The following MMP26 variants were observed in gnomAD, a reference collection of about 807,000 sequenced individuals.
MMP26 encodes matrix metallopeptidase 26.
MMP26 carries 33 observed loss-of-function variants against 31.0 expected under a neutral mutation model. The observed-to-expected ratio is 1.06, with a 90% CI of 0.81 to 1.42. The LOEUF is 1.42. Ranked by LOEUF, MMP26 falls within the 40% of genes most tolerant of loss-of-function variation. The probability of loss-of-function intolerance (pLI) is 0.00; values close to 1 mark genes in which losing one functional copy is unlikely to be tolerated. For synonymous variants in MMP26, 122 were observed against 114.9 expected (o/e 1.06, Z -0.40); for missense variants, 347 against 316.1 (o/e 1.10, Z -0.74).
chr11:4,789,633 T>A (rs1337507767), intron 2 of MMP26, among the ~76,000 whole-genome samples: 2 of 136,536 alleles, frequency 1.5e-5, no homozygotes, highest in Non-Finnish European at 3.1e-5. Flanking sequence ...CTCTGCCTCC[T>A]GGGTTCAAGT....
chr11:4,946,299 G>A (rs755864460), intron 2 of MMP26: 1 of 1,613,734 alleles, frequency 6.2e-7, no homozygotes, highest in Non-Finnish European at 8.5e-7. Flanking sequence ...GGAGAGACAT[G>A]CCGGGCAAAG....
intron 2 of MMP26, among the ~76,000 whole-genome samples, chr11:4,872,576 A>G (rs1174759093): frequency 1.3e-5 from 2 of 151,884 alleles, no homozygotes; most frequent in Admixed American, 6.6e-5. Context: ...TAGTGAGACT[A>G]GTCTGTGGAT....
intron 2 of MMP26, among the ~76,000 whole-genome samples, chr11:4,941,273 C>T (rs1846202246): frequency 6.6e-6 from 1 of 152,174 alleles, no homozygotes; most frequent in Non-Finnish European, 1.5e-5. Context: ...GGGCCAGCAA[C>T]CACATATAGC....
At chr11:4,876,942 C>T (rs180889579) in intron 2 of MMP26, 172 of 155,868 alleles carry the variant, frequency 1.1e-3, no homozygotes, top group African/African-American at 3.2e-3. Context: ...TGTGGCCATC[C>T]GCTTTCCTTT....
intron 1 of MMP26, among the ~76,000 whole-genome samples, chr11:4,753,768 T>G (rs781507640): frequency 1.9e-4 from 29 of 152,144 alleles, no homozygotes; most frequent in Non-Finnish European, 3.2e-4. Context: ...GTAAAGCCCA[T>G]TCATCTTGCC....
intron 2 of MMP26, among the ~76,000 whole-genome samples, chr11:4,783,971 A>T (rs1190317760): frequency 6.6e-6 from 1 of 152,192 alleles, no homozygotes; most frequent in African/African-American, 2.4e-5. Context: ...AGTCTCAGGT[A>T]TGTCTTTATC....
intron 2 of MMP26, among the ~76,000 whole-genome samples, chr11:4,767,693 A>G (rs1848650135): frequency 7.6e-6 from 1 of 132,122 alleles, no homozygotes; most frequent in Non-Finnish European, 1.6e-5. Flanking sequence ...GACATCATAT[A>G]ATGCATAGTT....
At chr11:4,731,409 A>G (rs1848171610) in intron 1 of MMP26, among the ~76,000 whole-genome samples, 1 of 152,164 alleles carries the variant, frequency 6.6e-6, no homozygotes, top group South Asian at 2.1e-4. Flanking sequence ...CATTAAATGT[A>G]TAGCTCATTT....
chr11:4,856,347 C>A (rs1050467470), intron 2 of MMP26, among the ~76,000 whole-genome samples: 4 of 152,100 alleles, frequency 2.6e-5, no homozygotes, highest in African/African-American at 9.7e-5. Flanking sequence ...CAGAGACACA[C>A]ATAGGCTGAA....
intron 1 of MMP26, among the ~76,000 whole-genome samples, chr11:4,741,211 G>C (rs1165000174): frequency 1.3e-5 from 2 of 152,186 alleles, no homozygotes; most frequent in East Asian, 1.9e-4. Context: ...TTTTGTGAAA[G>C]AGCAAATAGA....
chr11:4,751,130 G>A (rs570037539), intron 1 of MMP26, among the ~76,000 whole-genome samples: 1 of 152,196 alleles, frequency 6.6e-6, no homozygotes, highest in Admixed American at 6.5e-5. Context: ...AATCAAGGGA[G>A]TTATCACTGG....
intron 2 of MMP26, among the ~76,000 whole-genome samples, chr11:4,791,353 A>AT (rs934448144): frequency 4.6e-5 from 7 of 151,996 alleles, no homozygotes; most frequent in African/African-American, 1.4e-4. Flanking sequence ...TCGGAGACCA[A>AT]TTTTTTTTCC....
chr11:4,834,318 A>T (rs879552788), intron 2 of MMP26, among the ~76,000 whole-genome samples: 1 of 152,152 alleles, frequency 6.6e-6, no homozygotes, highest in Non-Finnish European at 1.5e-5. Context: ...GTAGACACCC[A>T]AATAACTTTA....
intron 2 of MMP26, among the ~76,000 whole-genome samples, chr11:4,837,595 A>T (rs2133485734): frequency 6.6e-6 from 1 of 152,320 alleles, no homozygotes; most frequent in East Asian, 1.9e-4. Flanking sequence ...AATAATCAAT[A>T]ATATGTGAAA....
At chr11:4,768,644 A>G (rs1848662553) in intron 2 of MMP26, among the ~76,000 whole-genome samples, 1 of 152,184 alleles carries the variant, frequency 6.6e-6, no homozygotes, top group South Asian at 2.1e-4. Context: ...TAATAGTAAT[A>G]TATATTTCAT....
chr11:4,824,651 C>G (rs938662102), intron 2 of MMP26, among the ~76,000 whole-genome samples: 9 of 152,058 alleles, frequency 5.9e-5, no homozygotes, highest in Non-Finnish European at 1.0e-4. Flanking sequence ...TAGGATAAAT[C>G]AATTCTAACA....
At chr11:4,709,992 C>A (rs778082350) in intron 1 of MMP26, 1 of 456,806 alleles carries the variant, frequency 2.2e-6, no homozygotes, top group Non-Finnish European at 4.4e-6. Context: ...AACCAATTCA[C>A]GGATTATTAA....
chr11:4,744,166 T>A (rs11033672), intron 1 of MMP26, among the ~76,000 whole-genome samples: 9,400 of 152,206 alleles, frequency 0.062, 678 homozygotes, highest in African/African-American at 0.18. Context: ...TATTTTATCT[T>A]AGAAATCTCA....
At chr11:4,991,285 C>T (rs1309386053) in intron 5 of MMP26, 86 bp from the exon 6 acceptor site, 6 of 1,483,032 alleles carry the variant, frequency 4.0e-6, no homozygotes, top group Non-Finnish European at 5.5e-6. Context: ...GCACAGTATC[C>T]TAAGTCTCTG....
Sources: allele counts gnomAD v4.1 joint callset (sites outside exome capture counted in the v4.1 genomes callset), GRCh38; gene constraint gnomAD v4.1.1; transcripts MANE v1.5; gene names NCBI Gene and HGNC (gene_info 2026-07-23, HGNC 2026-07-21).